Variants in LY86 observed in about 807,000 individuals in gnomAD.
LY86 encodes the protein lymphocyte antigen 86, also known as MD-1, RP105-associated.
A neutral mutation model predicts 17.3 loss-of-function variants in LY86; 20 were observed. That is an observed-to-expected ratio of 1.15 (90% CI 0.81 to 1.68). LY86 has a LOEUF of 1.68. LY86 is among the 40% of genes most tolerant of loss of function. LY86 has a pLI of 0.00. For missense variants in LY86, 200 were observed against 191.9 expected (o/e 1.04, Z -0.25); for synonymous variants, 74 against 70.6 (o/e 1.05, Z -0.24).
intron 1 of LY86, among the ~76,000 whole-genome samples, chr6:6,599,509 A>AG (rs1760831599): frequency 6.6e-6 from 1 of 152,216 alleles, no homozygotes; most frequent in Non-Finnish European, 1.5e-5. Context: ...CCTGAATGTC[A>AG]GCTTGATGTC....
At position 6,600,259 on chromosome 6, in the gene LY86, G is replaced by A. The variant is rs76696841; in HGVS notation, c.136+11389G>A. Among the ~76,000 whole-genome samples, 699 of 152,282 alleles carry A rather than the reference G, an allele frequency of 4.6e-3. 2 individuals are homozygous for A. Among genetic ancestry groups the A allele is most frequent in the Middle Eastern group, 6.8e-3 (2 of 294 alleles). On this transcript the variant is annotated intron_variant, in intron 1 of 4. Coordinates refer to ENST00000230568, the MANE Select transcript of LY86 (RefSeq NM_004271.4). The stretch of plus-strand genomic sequence containing the variant: ...TCATTAAGGAGTCCAACAGCCTTTA[G>A]TAAACACATAACCATGACAGGGGAT...
At chr6:6,603,734 T>A (rs1310404698) in intron 1 of LY86, among the ~76,000 whole-genome samples, 1 of 151,808 alleles carries the variant, frequency 6.6e-6, no homozygotes, top group African/African-American at 2.4e-5. Flanking sequence ...TAGGCTTTAA[T>A]GGCTGTGCAT....
chr6:6,590,932 A>C (rs1760507212), intron 1 of LY86, among the ~76,000 whole-genome samples: 1 of 151,866 alleles, frequency 6.6e-6, no homozygotes, highest in Non-Finnish European at 1.5e-5. Context: ...AAGTGCACAC[A>C]CACACAAAAA....
At chr6:6,654,413 T>G in intron 4 of LY86, 131 bp from the exon 5 acceptor site, 1 of 683,560 alleles carries the variant, frequency 1.5e-6, no homozygotes, top group Admixed American at 2.4e-5. Flanking sequence ...AGGGGTTGGC[T>G]TGTCTTGTTC....
chr6:6,612,347 C>T (rs1761385839), intron 1 of LY86, among the ~76,000 whole-genome samples: 2 of 152,242 alleles, frequency 1.3e-5, no homozygotes, highest in African/African-American at 2.4e-5. Context: ...GTAAGCATTA[C>T]ACTTCTTAAG....
rs549428743 is a variant in LY86 at position 6,619,943 on chromosome 6, A to G, written c.137-4983A>G. 5.3e-5 allele frequency among the ~76,000 whole-genome samples: 8 copies of G among 152,258 alleles called. No individual in the cohort carries two copies. The South Asian group carries it at 1.5e-3, about 28-fold the overall frequency. ...GAAAGACTACCTTTACAAAGCAGGA[A>G]GGACATTGCAATCTTGGGGTTGCAC... is the stretch of plus-strand genomic sequence containing the variant. On this transcript the variant is annotated intron_variant, in intron 1 of 4. Coordinates refer to ENST00000230568, the MANE Select transcript of LY86 (RefSeq NM_004271.4).
intron 1 of LY86, among the ~76,000 whole-genome samples, chr6:6,613,435 C>T (rs1035436682): frequency 6.6e-6 from 1 of 152,198 alleles, no homozygotes; most frequent in Non-Finnish European, 1.5e-5. Context: ...AGCCCTGCCG[C>T]GCCGGGAGGC....
chr6:6,635,084 C>T (rs1479329941), intron 3 of LY86, among the ~76,000 whole-genome samples: 1 of 152,146 alleles, frequency 6.6e-6, no homozygotes, highest in Non-Finnish European at 1.5e-5. Context: ...ATGTTCACTG[C>T]ACATACATTA....
chr6:6,601,916 A>G (rs1760924487), intron 1 of LY86, among the ~76,000 whole-genome samples: 1 of 152,146 alleles, frequency 6.6e-6, no homozygotes, highest in African/African-American at 2.4e-5. Flanking sequence ...CTAATTTATA[A>G]ATATGGCAAC....
At chr6:6,604,988 T>A (rs1373957766) in intron 1 of LY86, among the ~76,000 whole-genome samples, 5 of 151,814 alleles carry the variant, frequency 3.3e-5, no homozygotes, top group Admixed American at 1.3e-4. Flanking sequence ...CAATTCTACA[T>A]ACAGTATAGT....
At chr6:6,621,626 C>T (rs1312930232) in intron 1 of LY86, among the ~76,000 whole-genome samples, 1 of 152,188 alleles carries the variant, frequency 6.6e-6, no homozygotes, top group Non-Finnish European at 1.5e-5. Context: ...ACCAGGGATG[C>T]TTCTAGACAT....
chr6:6,604,136 A>G (rs1761015885), intron 1 of LY86, among the ~76,000 whole-genome samples: 1 of 152,176 alleles, frequency 6.6e-6, no homozygotes, highest in African/African-American at 2.4e-5. Context: ...AATTATCTCT[A>G]TGGGGTCATA....
chr6:6,611,886 AAAAATAAGAAAAAAATCAG>A (rs1761349184), intron 1 of LY86, among the ~76,000 whole-genome samples: 1 of 152,022 alleles, frequency 6.6e-6, no homozygotes, highest in South Asian at 2.1e-4. Flanking sequence ...TGCACCTACC[AAAAATAAGAAAAAAATCAG>A]ACTGCTGCTG....
intron 1 of LY86, among the ~76,000 whole-genome samples, chr6:6,610,826 A>G (rs1761313319): frequency 1.3e-5 from 2 of 152,222 alleles, no homozygotes; most frequent in Admixed American, 1.3e-4. Context: ...AAAGTCAGTA[A>G]GAAGGTGAGC....
intron 3 of LY86, among the ~76,000 whole-genome samples, chr6:6,641,333 T>C (rs1052211202): frequency 5.6e-4 from 85 of 152,320 alleles, no homozygotes; most frequent in Non-Finnish European, 2.8e-4. Context: ...TTGTGCGCTA[T>C]TCAGGGACAG....
Position 6,649,663 on chromosome 6 carries a change from T to C in LY86, c.391T>C (p.Phe131Leu). The C allele has an allele frequency of 6.4e-7, 1 of 1,572,714 alleles. No individual in the cohort carries two copies. Among genetic ancestry groups the C allele is most frequent in the Non-Finnish European group, 8.7e-7 (1 of 1,146,746 alleles). Reference sequence around the variant, plus strand: ...TGCTGGGCCTGTCAATAATCCTGAATTTACTATTCCTCAGGTAAGATATTA... The same window carrying C: ...TGCTGGGCCTGTCAATAATCCTGAACTTACTATTCCTCAGGTAAGATATTA... ...YYAGPVNNPE[F>L]TIPQGEYQVL... The change falls in exon 4 of 5, where the codon TTT becomes CTT. Residue 131 changes from phenylalanine (F) to leucine (L), a missense_variant. Phe to Leu is a conservative substitution (Grantham distance 22). Coordinates refer to ENST00000230568, the MANE Select transcript of LY86 (RefSeq NM_004271.4).
At chr6:6,597,551 T>G (rs1398685869) in intron 1 of LY86, among the ~76,000 whole-genome samples, 2 of 152,174 alleles carry the variant, frequency 1.3e-5, no homozygotes, top group Non-Finnish European at 1.5e-5. Flanking sequence ...CCTGATCCAT[T>G]AGCTTTGACT....
intron 1 of LY86, among the ~76,000 whole-genome samples, chr6:6,604,444 G>GA (rs1761030778): frequency 6.6e-6 from 1 of 152,058 alleles, no homozygotes; most frequent in Admixed American, 6.5e-5. Flanking sequence ...TTGTTGAAAT[G>GA]AAAAAATAAT....
intron 1 of LY86, among the ~76,000 whole-genome samples, chr6:6,608,208 AG>A (rs1228159117): frequency 1.3e-5 from 2 of 152,270 alleles, no homozygotes; most frequent in African/African-American, 4.8e-5. Context: ...AGGATTTGAA[AG>A]GAGCAAACAA....
Sources: gnomAD v4.1 joint callset for allele counts (sites outside exome capture counted in the v4.1 genomes callset) on GRCh38, gnomAD v4.1.1 for gene constraint, MANE v1.5 for transcripts, NCBI Gene and HGNC (gene_info 2026-07-23, HGNC 2026-07-21) for gene names.